LIN52: variants seen among roughly 807,000 people sequenced by gnomAD.
LIN52 encodes the protein lin-52 DREAM MuvB core complex component.
A neutral mutation model predicts 18.5 loss-of-function variants in LIN52; 4 were observed. That is an observed-to-expected ratio of 0.22 (90% CI 0.11 to 0.49). LIN52 has a LOEUF of 0.49. Ranked by LOEUF, LIN52 falls within the 20% of genes least tolerant of loss-of-function variation. LIN52 has a pLI of 0.97. For missense variants in LIN52, 102 were observed against 139.5 expected (o/e 0.73, Z 1.35); for synonymous variants, 34 against 45.5 (o/e 0.75, Z 1.02).
At chr14:74,097,256 C>T (rs1313339703) in intron 3 of LIN52, among the ~76,000 whole-genome samples, 1 of 152,136 alleles carries the variant, frequency 6.6e-6, no homozygotes, top group Non-Finnish European at 1.5e-5. Context: ...CATACCTATT[C>T]TTCCACAGTG....
At chr14:74,133,206 G>A (rs1176621768) in intron 5 of LIN52, among the ~76,000 whole-genome samples, 1 of 152,216 alleles carries the variant, frequency 6.6e-6, no homozygotes, top group African/African-American at 2.4e-5. Flanking sequence ...TTTCTGCTTT[G>A]CAGAGAAATC....
chr14:74,141,454 T>C (rs1291889551), intron 5 of LIN52, among the ~76,000 whole-genome samples: 1 of 152,230 alleles, frequency 6.6e-6, no homozygotes, highest in African/African-American at 2.4e-5. Context: ...AATTCAAGAC[T>C]CTTTGTAGAT....
At chr14:74,190,409 T>TTTTTTTTTG (rs2061358712) in intron 5 of LIN52, among the ~76,000 whole-genome samples, 1 of 139,590 alleles carries the variant, frequency 7.2e-6, no homozygotes, top group East Asian at 2.1e-4. Flanking sequence ...TTTTTTTTTT[T>TTTTTTTTTG]GAGACAGAGT....
At chr14:74,112,208 G>A (rs2139905223) in intron 5 of LIN52, among the ~76,000 whole-genome samples, 1 of 152,048 alleles carries the variant, frequency 6.6e-6, no homozygotes, top group South Asian at 2.1e-4. Flanking sequence ...CAGACTACTT[G>A]CCTAGCTTTG....
intron 5 of LIN52, among the ~76,000 whole-genome samples, chr14:74,179,690 C>A (rs1360010461): frequency 6.7e-6 from 1 of 150,132 alleles, no homozygotes; most frequent in Non-Finnish European, 1.5e-5. Context: ...AAAAAAAAAT[C>A]TAATTCTTCG....
chr14:74,153,153 TATC>T (rs2139557609), intron 5 of LIN52, among the ~76,000 whole-genome samples: 1 of 152,322 alleles, frequency 6.6e-6, no homozygotes, highest in Non-Finnish European at 1.5e-5. Flanking sequence ...GCCTACATTT[TATC>T]ATTACCAGAG....
At chr14:74,167,249 G>A (rs2061253915) in intron 5 of LIN52, among the ~76,000 whole-genome samples, 1 of 151,298 alleles carries the variant, frequency 6.6e-6, no homozygotes, top group South Asian at 2.1e-4. Flanking sequence ...GCTGTCACTT[G>A]TCTTTTTAAT....
chr14:74,176,865 C>A (rs1595187161), intron 5 of LIN52, among the ~76,000 whole-genome samples: 2 of 152,212 alleles, frequency 1.3e-5, no homozygotes, highest in Non-Finnish European at 2.9e-5. Flanking sequence ...CCAACCTGCC[C>A]TGCTAGACCA....
intron 3 of LIN52, among the ~76,000 whole-genome samples, chr14:74,096,988 A>T (rs1595147873): frequency 6.6e-6 from 1 of 152,340 alleles, no homozygotes; most frequent in East Asian, 1.9e-4. Context: ...TAAATGAAAA[A>T]TTGTAAAATT....
intron 5 of LIN52, among the ~76,000 whole-genome samples, chr14:74,164,916 G>C (rs1479176160): frequency 6.6e-6 from 1 of 152,136 alleles, no homozygotes; most frequent in Non-Finnish European, 1.5e-5. Flanking sequence ...TGAATGGAAG[G>C]CAACTTGGAG....
intron 5 of LIN52, among the ~76,000 whole-genome samples, chr14:74,146,028 C>T (rs1244216791): frequency 1.3e-5 from 2 of 152,130 alleles, no homozygotes; most frequent in African/African-American, 4.8e-5. Flanking sequence ...GTGAGGATAT[C>T]TAGGTATTTG....
At chr14:74,190,389 C>CTTTTT (rs68037994) in intron 5 of LIN52, among the ~76,000 whole-genome samples, 3,492 of 106,164 alleles carry the variant, frequency 0.033, 332 homozygotes, top group African/African-American at 0.11. Flanking sequence ...GCCTAAATAA[C>CTTTTT]TTTTTTTTTT....
At chr14:74,116,504 G>A (rs2139914085) in intron 5 of LIN52, among the ~76,000 whole-genome samples, 1 of 152,054 alleles carries the variant, frequency 6.6e-6, no homozygotes, top group African/African-American at 2.4e-5. Flanking sequence ...TCAGGAGTTC[G>A]AGACCAGCCT....
intron 5 of LIN52, among the ~76,000 whole-genome samples, chr14:74,129,961 A>G (rs1231473484): frequency 6.6e-6 from 1 of 152,190 alleles, no homozygotes; most frequent in African/African-American, 2.4e-5. Context: ...GGCAGAAGGC[A>G]AGGAGGAAAA....
rs145948133 is a variant in LIN52, at chr14:74,091,147, T to C, written c.20-85T>C. 1.5e-4 allele frequency: 137 copies of C among 907,164 alleles called. No individual in the cohort carries two copies. The African/African-American group carries it at 2.0e-3, about 13-fold the overall frequency. 56.2% of individuals were successfully genotyped at this position (907,164 alleles called of 1,614,324 possible). ...TATCTCTAGACTTCCAGGTGAGTGT[T>C]CCAGTTTATGTCCTTTGAGATTGAA... On this transcript the variant is annotated intron_variant, in intron 1 of 5. Transcript: ENST00000555028.
At chr14:74,085,125 T>TGA (rs2060716488) in intron 1 of LIN52, 132 bp downstream of exon 1, 1 of 889,300 alleles carries the variant, frequency 1.1e-6, no homozygotes, top group African/African-American at 1.7e-5. Flanking sequence ...TTTTTTTTCT[T>TGA]GAGATCCATC....
At chr14:74,146,663 C>T (rs73305161) in intron 5 of LIN52, among the ~76,000 whole-genome samples, 310 of 152,244 alleles carry the variant, frequency 2.0e-3, no homozygotes, top group African/African-American at 6.8e-3. Flanking sequence ...GAAAAATCAA[C>T]ACTGACAAGT....
intron 5 of LIN52, among the ~76,000 whole-genome samples, chr14:74,113,519 C>T (rs771855208): frequency 2.0e-5 from 3 of 152,110 alleles, no homozygotes; most frequent in Non-Finnish European, 4.4e-5. Flanking sequence ...GCTCAAGGAA[C>T]GGTGCGAGTG....
chr14:74,140,477 T>C (rs1391713649), intron 5 of LIN52, among the ~76,000 whole-genome samples: 2 of 152,250 alleles, frequency 1.3e-5, no homozygotes, highest in Non-Finnish European at 2.9e-5. Flanking sequence ...GCCTCTTATC[T>C]GATGTCTGGT....
Sources: allele counts gnomAD v4.1 joint callset (sites outside exome capture counted in the v4.1 genomes callset), GRCh38; gene constraint gnomAD v4.1.1; transcripts MANE v1.5; gene names NCBI Gene and HGNC (gene_info 2026-07-23, HGNC 2026-07-21).